The following SCARF1 variants were observed in gnomAD, a reference collection of about 807,000 sequenced individuals.
SCARF1 encodes the protein acetyl LDL receptor.
In SCARF1, 49 loss-of-function variants were observed where a neutral mutation model predicts 76.3. The ratio of observed to expected loss-of-function variants is 0.64; its 90% CI spans 0.51 to 0.81. The LOEUF is 0.81. SCARF1 is among the 40% of genes least tolerant of loss of function. The pLI is 0.00. For synonymous variants in SCARF1, 495 were observed against 474.6 expected (o/e 1.04, Z -0.56); for missense variants, 1,098 against 1,143.9 (o/e 0.96, Z 0.58).
chr17:1,644,120 C>T lies in SCARF1; in HGVS notation c.266-153G>A. 1 of 524,582 alleles carries T rather than the reference C, an allele frequency of 1.9e-6. No homozygotes were observed. The highest frequency in any genetic ancestry group is 2.9e-6 in the Non-Finnish European group (1 of 339,484). The allele number at this position is 524,582 out of a possible 1,614,324, so 32.5% of individuals were successfully genotyped here. On this transcript the variant is annotated intron_variant, in intron 3 of 10. Coordinates refer to ENST00000263071, the MANE Select transcript of SCARF1 (RefSeq NM_003693.4). This position sits in a 1 kb window ranked among gnomAD's most constrained non-coding sequence, Gnocchi z 4.8. The stretch of plus-strand genomic sequence containing the variant: ...ACATCCGGCAGCCTGTCCTGGGCAA[C>T]ACTCACTTCCTGCTCCGCTCTGACC...
Position 1,634,628 on chromosome 17 carries a change from C to G in SCARF1, c.*130G>C. 1.5e-6 allele frequency: 2 copies of G among 1,344,840 alleles called. No individual in the cohort carries two copies. The highest frequency in any genetic ancestry group is 2.0e-6 in the Non-Finnish European group (2 of 998,748). The allele number at this position is 1,344,840 out of a possible 1,614,324, so 83.3% of individuals were successfully genotyped here. On this transcript the variant is annotated 3_prime_UTR_variant, in exon 11 of 11. Coordinates refer to ENST00000263071, the MANE Select transcript of SCARF1 (RefSeq NM_003693.4). ...ACTGCCAGGGGCCTGGGCCAACTGG[C>G]CTGGAAGCCTTGCCTTTTCCCTGTG...
In SCARF1 at chr17:1,633,987, CAA is replaced by C. The variant is rs957036842; in HGVS notation, c.*769_*770del. The C allele has an allele frequency of 1.3e-5, 2 of 152,076 alleles. No homozygotes were observed. The highest frequency in any genetic ancestry group is 4.8e-5 in the African/African-American group (2 of 41,418). The allele number at this position is 152,076 out of a possible 1,614,324, so 9.4% of individuals were successfully genotyped here. On this transcript the variant is annotated 3_prime_UTR_variant, in exon 11 of 11. Coordinates refer to ENST00000263071, the MANE Select transcript of SCARF1 (RefSeq NM_003693.4). ...CACTGTAGAAAATTTGCAAACTATA[CAA>C]AAGTTTCAGAAGAAAATAAATATCA...
rs547006158 is a variant in SCARF1, at chr17:1,641,222, C to G, written c.792-556G>C. Among the ~76,000 whole-genome samples the G allele has an allele frequency of 3.3e-5, 5 of 152,334 alleles. No homozygotes were observed. The South Asian group carries it at 8.3e-4, about 25-fold the overall frequency. Reference sequence around the variant, plus strand: ...CAGCAGGGGAGCCTGACCGCCTGAGCTCCGCTGCCAGCCAGATCAGTGGTG... The same window carrying G: ...CAGCAGGGGAGCCTGACCGCCTGAGGTCCGCTGCCAGCCAGATCAGTGGTG... On this transcript the variant is annotated intron_variant, in intron 4 of 10. Transcript: ENST00000263071.
Position 1,644,796 on chromosome 17 carries a change from G to T in SCARF1, c.265+38C>A. On this transcript the variant is annotated intron_variant, in intron 3 of 10. Coordinates refer to ENST00000263071, the MANE Select transcript of SCARF1 (RefSeq NM_003693.4). This position sits in a 1 kb window ranked among gnomAD's most constrained non-coding sequence, Gnocchi z 4.8. Reference sequence around the variant, plus strand: ...TCCCACACCACTGCCCCCGTACCCAGCTCTGCCCAGCAACTTCATCTGGCC... The same window carrying T: ...TCCCACACCACTGCCCCCGTACCCATCTCTGCCCAGCAACTTCATCTGGCC... The T allele has an allele frequency of 2.5e-6, 4 of 1,584,712 alleles. No homozygotes were observed. The highest frequency in any genetic ancestry group is 3.4e-6 in the Non-Finnish European group (4 of 1,163,824).
At chr17:1,643,329 C>CCGCCCCGCCCACCGGTG (rs1910231620) in intron 4 of SCARF1, 113 bp downstream of exon 4, 2 of 54,422 alleles carry the variant, frequency 3.7e-5, no homozygotes, top group African/African-American at 1.7e-4. Context: ...GCCCACCTGT[C>CCGCCCCGCCCACCGGTG]TTCGCCCCGC....
intron 10 of SCARF1, 55 bp from the exon 11 acceptor site, chr17:1,635,672 T>G: frequency 6.5e-7 from 1 of 1,540,334 alleles, no homozygotes; most frequent in Non-Finnish European, 8.7e-7. Flanking sequence ...CCCCAATGCA[T>G]CCTACCCACA....
At position 1,636,993 on chromosome 17, in the gene SCARF1, G is replaced by C. The variant is rs779772931; in HGVS notation, c.1434C>G (p.Gly478=). 6.2e-7 allele frequency: 1 copy of C among 1,613,856 alleles called. No homozygotes were observed. Among genetic ancestry groups the C allele is most frequent in the African/African-American group, 1.3e-5 (1 of 74,918 alleles). Residue 478 remains glycine, a synonymous_variant, in exon 9 of 11, where the codon GGC becomes GGG. Transcript: ENST00000263071. ...TGAGGGAACGGCAGGGCAGCGTGGA[G>C]CCCAAGCTGGTCAGTGTCCCCCAGA... ...LQVWGTLTSL[G]STLPCRSLSS... is the part of the protein sequence containing the mutation.
chr17:1,634,955 T>G lies in SCARF1; in HGVS notation c.2296A>C (p.Thr766Pro). The G allele has an allele frequency of 3.1e-6, 5 of 1,613,304 alleles. No homozygotes were observed. The highest frequency in any genetic ancestry group is 4.2e-6 in the Non-Finnish European group (5 of 1,179,586). ...SAPKAGLPGA[T>P]GPMAVRPEEA... ...TCTGGTCTGACTGCCATAGGCCCTG[T>G]GGCCCCAGGAAGCCCAGCTTTTGGG... Residue 766 changes from threonine to proline, a missense_variant, in exon 11 of 11, where the codon ACA becomes CCA. Transcript: ENST00000263071.
At position 1,643,472 on chromosome 17, in the gene SCARF1, G is replaced by A. The variant is rs755096206; in HGVS notation, c.761C>T (p.Ala254Val). Residue 254 changes from alanine (A) to valine (V), a missense_variant, in exon 4 of 11, where the codon GCA becomes GTA. Transcript: ENST00000263071. Reference sequence around the variant, plus strand: ...TGCGCACTGCACCCCGTGGCTGCCTGCCGGGCAGGGCAGCTCGCAGCGCGC... The same window carrying A: ...TGCGCACTGCACCCCGTGGCTGCCTACCGGGCAGGGCAGCTCGCAGCGCGC... ...RGARCELPCP[A>V]GSHGVQCAHS... 1.3e-4 allele frequency: 167 copies of A among 1,300,146 alleles called. No individual in the cohort carries two copies. The African/African-American group carries it at 1.7e-3, about 13-fold the overall frequency. 80.5% of individuals were successfully genotyped at this position (1,300,146 alleles called of 1,614,324 possible).
In SCARF1 at chr17:1,643,664, C is replaced by T. The variant is rs1910284655; in HGVS notation, c.569G>A (p.Cys190Tyr). Residue 190 changes from cysteine to tyrosine, a missense_variant, in exon 4 of 11, where the codon TGC becomes TAC. Transcript: ENST00000263071. ...VCKPGWWGRR[C>Y]SFRCNCHGSP... ...GCCGTGGCAGTTGCAGCGGAAGCTG[C>T]AGCGGCGCCCCCACCAGCCCGGCTT... 2 of 1,467,832 alleles carry T rather than the reference C, an allele frequency of 1.4e-6. No individual in the cohort carries two copies. The highest frequency in any genetic ancestry group is 1.8e-6 in the Non-Finnish European group (2 of 1,116,934). 90.9% of individuals were successfully genotyped at this position (1,467,832 alleles called of 1,614,324 possible).
At position 1,637,829 on chromosome 17, in the gene SCARF1, A is replaced by AC. The variant is rs1037469806; in HGVS notation, c.1365-768dup. On this transcript the variant is annotated intron_variant, in intron 8 of 10. Transcript: ENST00000263071. ...CCTTCCCTTGTTCCCACTCTGCTCT[A>AC]CCCCCACATGTGGAGGAGACTGCTC... Among the ~76,000 whole-genome samples, 27 of 151,884 alleles carry AC rather than the reference A, an allele frequency of 1.8e-4. No homozygotes were observed. In the Middle Eastern group the frequency reaches 0.02, roughly 115 times the overall value.
chr17:1,643,266 ACCGGTGCCCGCCCCGCC>A lies in SCARF1; in HGVS notation c.791+159_791+175del, dbSNP rs1490591334. 6 of 21,334 alleles carry A rather than the reference ACCGGTGCCCGCCCCGCC, an allele frequency of 2.8e-4. No homozygotes were observed. The African/African-American group carries it at 4.2e-3, about 15-fold the overall frequency. The allele number at this position is 21,334 out of a possible 1,614,324, so 1.3% of individuals were successfully genotyped here. A position where few individuals can be genotyped will look rare whatever the true frequency, so the allele number is the denominator to read the frequency against. Reference sequence around the variant, plus strand: ...CCGCCCACCGGTGTCCGCCCCGCCCACCGGTGCCCGCCCCGCCCACCGGTGTCCGCCCCGCCCACCGG... The same window carrying A: ...CCGCCCACCGGTGTCCGCCCCGCCCACACCGGTGTCCGCCCCGCCCACCGG... On this transcript the variant is annotated intron_variant, in intron 4 of 10. Coordinates refer to ENST00000263071, the MANE Select transcript of SCARF1 (RefSeq NM_003693.4).
At position 1,636,690 on chromosome 17, in the gene SCARF1, TG is replaced by T. The variant is rs1437525868; in HGVS notation, c.1633+18del. On this transcript the variant is annotated intron_variant, in intron 10 of 10. Coordinates refer to ENST00000263071, the MANE Select transcript of SCARF1 (RefSeq NM_003693.4). The stretch of plus-strand genomic sequence containing the variant: ...TGGGCAGGGCTGCTCAGGGGCTATG[TG>T]GGCTGTTGGGGGGCTACCTTCTTGG... 6.2e-7 allele frequency: 1 copy of T among 1,612,832 alleles called. No homozygotes were observed. Among genetic ancestry groups the T allele is most frequent in the South Asian group, 1.1e-5 (1 of 91,058 alleles).
Position 1,644,529 on chromosome 17 carries a change from T to G in SCARF1, c.265+305A>C. The G allele has an allele frequency of 1.9e-6, 1 of 531,974 alleles. No individual in the cohort carries two copies. Among genetic ancestry groups the G allele is most frequent in the Non-Finnish European group, 3.4e-6 (1 of 295,330 alleles). The allele number at this position is 531,974 out of a possible 1,614,324, so 33.0% of individuals were successfully genotyped here. On this transcript the variant is annotated intron_variant, in intron 3 of 10. Coordinates refer to ENST00000263071, the MANE Select transcript of SCARF1 (RefSeq NM_003693.4). The surrounding 1 kb of genome is among the most constrained non-coding windows in gnomAD (Gnocchi z 4.8). ...ATCCACTGCCCATGTATAAGGTATA[T>G]GTGGGAAAGGCAAGTAATACACTCA...
In SCARF1 at chr17:1,638,790, A is replaced by G; in HGVS notation, c.1364+16T>C. ...GTGGCCTGAGCTGTGTGGGGAAGGG[A>G]CGGGCTGGCGTTCACCTGTCCTTGA... On this transcript the variant is annotated intron_variant, in intron 8 of 10. Coordinates refer to ENST00000263071, the MANE Select transcript of SCARF1 (RefSeq NM_003693.4). 2.5e-6 allele frequency: 4 copies of G among 1,597,100 alleles called. No homozygotes were observed. Among genetic ancestry groups the G allele is most frequent in the Non-Finnish European group, 3.4e-6 (4 of 1,170,450 alleles).
Position 1,640,584 on chromosome 17 carries a change from G to T in SCARF1, c.874C>A (p.Gln292Lys). Residue 292 changes from glutamine to lysine, a missense_variant, in exon 5 of 11, where the codon CAG becomes AAG. Coordinates refer to ENST00000263071, the MANE Select transcript of SCARF1 (RefSeq NM_003693.4). The surrounding 1 kb of genome is among the most constrained non-coding windows in gnomAD (Gnocchi z 4.7). ...ESCEPGWNGTQCQQPCLPGTF... is the reference protein window; with the variant it reads ...ESCEPGWNGTKCQQPCLPGTF... ...CCAGGCAGGCAGGGCTGCTGGCACT[G>T]GGTCCCGTTCCAGCCCGGCTCGCAG... 1 of 1,611,918 alleles carries T rather than the reference G, an allele frequency of 6.2e-7. No homozygotes were observed. Among genetic ancestry groups the T allele is most frequent in the East Asian group, 2.2e-5 (1 of 44,842 alleles).
In SCARF1 at chr17:1,643,531, G is replaced by C; in HGVS notation, c.702C>G (p.Ser234=). 7.1e-7 allele frequency: 1 copy of C among 1,403,900 alleles called. No individual in the cohort carries two copies. Among genetic ancestry groups the C allele is most frequent in the Non-Finnish European group, 9.2e-7 (1 of 1,081,948 alleles). 87.0% of individuals were successfully genotyped at this position (1,403,900 alleles called of 1,614,324 possible). ...AGCCGGGCGGGCAGGTGCACTCGCC[G>C]GAGGCGGCGCTGCAGCGGCCCCGCA... ...ECVRGRCSAA[S]GECTCPPGFR... The change falls in exon 4 of 11, where the codon TCC becomes TCG. Residue 234 remains serine, a synonymous_variant. Coordinates refer to ENST00000263071, the MANE Select transcript of SCARF1 (RefSeq NM_003693.4).
chr17:1,642,471 G>T (rs1438815118), intron 4 of SCARF1, among the ~76,000 whole-genome samples: 2 of 151,846 alleles, frequency 1.3e-5, no homozygotes, highest in East Asian at 3.9e-4. Flanking sequence ...TACTGAGAAT[G>T]ATGATTTCCA....
chr17:1,640,812 T>C lies in SCARF1; in HGVS notation c.792-146A>G, dbSNP rs796432747. The C allele has an allele frequency of 1.0e-5, 7 of 689,710 alleles. No individual in the cohort carries two copies. The highest frequency in any genetic ancestry group is 5.4e-5 in the African/African-American group (3 of 55,894). The allele number at this position is 689,710 out of a possible 1,614,324, so 42.7% of individuals were successfully genotyped here. A position where few individuals can be genotyped will look rare whatever the true frequency, so the allele number is the denominator to read the frequency against. On this transcript the variant is annotated intron_variant, in intron 4 of 10. Coordinates refer to ENST00000263071, the MANE Select transcript of SCARF1 (RefSeq NM_003693.4). The surrounding 1 kb of genome is among the most constrained non-coding windows in gnomAD (Gnocchi z 4.7). ...GGTCAGGCAGGTTTGAGCCTCAGTT[T>C]CCCCACGTTGTACAATGAGGACAAA...
Sources: allele counts gnomAD v4.1 joint callset (sites outside exome capture counted in the v4.1 genomes callset), GRCh38; gene constraint gnomAD v4.1.1; non-coding constraint Gnocchi (gnomAD v3.1); transcripts MANE v1.5; gene names NCBI Gene and HGNC (gene_info 2026-07-23, HGNC 2026-07-21).